The following RCOR3 variants were observed in gnomAD, a reference collection of about 807,000 sequenced individuals.
The protein encoded by RCOR3 is REST corepressor 3.
Under a neutral mutation model 64.1 loss-of-function variants are expected in RCOR3, and 13 were observed. That is an observed-to-expected ratio of 0.20 (90% confidence interval 0.13 to 0.32). The LOEUF (loss-of-function observed/expected upper bound fraction) is 0.32. Ranked by LOEUF, RCOR3 falls within the 10% of genes least tolerant of loss-of-function variation. The probability of loss-of-function intolerance (pLI) is 1.00; values close to 1 mark genes in which losing one functional copy is unlikely to be tolerated. For synonymous variants in RCOR3, 215 were observed against 239.0 expected (o/e 0.90, Z 0.93); for missense variants, 489 against 701.2 (o/e 0.70, Z 3.42).
rs563530074 is a variant in RCOR3 at position 211,282,624 on chromosome 1, G to A, written c.720+3308G>A. 4.6e-5 allele frequency among the ~76,000 whole-genome samples: 7 copies of A among 151,282 alleles called. 1 individual carries two copies. The highest frequency in any genetic ancestry group is 1.7e-4 in the African/African-American group (7 of 41,250). ...AGCAATTCTCCTGCCTCAGCCTCCCGAGTAGCTGGGACTACAGGCATGCGT... is the reference window on the plus strand; with the variant it reads ...AGCAATTCTCCTGCCTCAGCCTCCCAAGTAGCTGGGACTACAGGCATGCGT... On this transcript the variant is annotated intron_variant, in intron 7 of 11. Transcript: ENST00000419091.
intron 6 of RCOR3, 71 bp downstream of exon 6, chr1:211,278,312 A>G (rs555215059): frequency 6.6e-7 from 1 of 1,504,948 alleles, no homozygotes; most frequent in African/African-American, 1.4e-5. Context: ...TTCCTAAGGC[A>G]GAAAAGTTAT....
At chr1:211,295,199 C>T (rs547162159) in intron 8 of RCOR3, among the ~76,000 whole-genome samples, 11 of 152,120 alleles carry the variant, frequency 7.2e-5, no homozygotes, top group African/African-American at 2.4e-4. Flanking sequence ...CATGTTATAG[C>T]AGAACTGATT....
chr1:211,288,390 G>A (rs11581989), intron 7 of RCOR3, among the ~76,000 whole-genome samples: 27,052 of 147,340 alleles, frequency 0.18, 2,747 homozygotes, highest in African/African-American at 0.28. Flanking sequence ...TAACTCTTCC[G>A]AGACATAAAT....
rs1045875425 is a variant in RCOR3, at chr1:211,259,503, C to G, written c.-58C>G. On this transcript the variant is annotated 5_prime_UTR_variant, in exon 1 of 12. Coordinates refer to ENST00000419091, the MANE Select transcript of RCOR3 (RefSeq NM_001136223.3). The stretch of plus-strand genomic sequence containing the variant: ...CTCCCGCCCGCGCTCTAAGCCATCT[C>G]CGCCTTCACCCTGACGCCTGCCTCT... The G allele has an allele frequency of 6.6e-7, 1 of 1,518,430 alleles. No individual in the cohort carries two copies. The highest frequency in any genetic ancestry group is 8.8e-7 in the Non-Finnish European group (1 of 1,130,332). 94.1% of individuals were successfully genotyped at this position (1,518,430 alleles called of 1,614,324 possible).
chr1:211,259,660 T>C lies in RCOR3; in HGVS notation c.100T>C (p.Ser34Pro), dbSNP rs1693822522. 6 of 1,546,424 alleles carry C rather than the reference T, an allele frequency of 3.9e-6. No homozygotes were observed. Among genetic ancestry groups the C allele is most frequent in the Non-Finnish European group, 5.2e-6 (6 of 1,145,170 alleles). ...SPAGGGGSGA[S>P]STNGGLHYSE... ...GGCAGGCGGCGGCGGCAGCGGCGCCTCGTCCACCAACGGCGGGCTGCACTA... is the reference window on the plus strand; with the variant it reads ...GGCAGGCGGCGGCGGCAGCGGCGCCCCGTCCACCAACGGCGGGCTGCACTA... Residue 34 changes from serine (S) to proline (P), a missense_variant, in exon 1 of 12, where the codon TCG becomes CCG. By Grantham distance (74) the Ser-to-Pro change is moderately conservative (BLOSUM62 -1). Around this residue, in one of 2 missense-constraint regions of RCOR3, gnomAD observed 87 missense variants for 84.3 expected, o/e 1.03. Coordinates refer to ENST00000419091, the MANE Select transcript of RCOR3 (RefSeq NM_001136223.3).
At chr1:211,273,890 A>G (rs1190768821) in intron 3 of RCOR3, among the ~76,000 whole-genome samples, 1 of 152,194 alleles carries the variant, frequency 6.6e-6, no homozygotes, top group Non-Finnish European at 1.5e-5. Context: ...TTATCTTAAT[A>G]TTTTATACAA....
At chr1:211,263,108 T>C (rs1030188821) in intron 2 of RCOR3, among the ~76,000 whole-genome samples, 5 of 146,684 alleles carry the variant, frequency 3.4e-5, no homozygotes, top group African/African-American at 1.3e-4. Context: ...CATCTATGAG[T>C]GAGAACATGC....
chr1:211,273,895 A>G (rs774744186), intron 3 of RCOR3, among the ~76,000 whole-genome samples: 7 of 152,198 alleles, frequency 4.6e-5, no homozygotes, highest in Admixed American at 1.3e-4. Context: ...TTAATATTTT[A>G]TACAACAATT....
intron 1 of RCOR3, 35 bp from the exon 2 acceptor site, chr1:211,260,066 CTTTTTTA>C: frequency 3.3e-6 from 5 of 1,499,678 alleles, no homozygotes; most frequent in Non-Finnish European, 4.4e-6. Flanking sequence ...TTCTTTTCTT[CTTTTTTA>C]TTTTTTATAT....
chr1:211,289,693 G>A (rs1473704483), intron 8 of RCOR3, among the ~76,000 whole-genome samples: 1 of 152,142 alleles, frequency 6.6e-6, no homozygotes, highest in African/African-American at 2.4e-5. Context: ...GCAGGTTATT[G>A]GGAATTATTT....
chr1:211,315,960 T>TTGGCC lies in RCOR3; in HGVS notation c.*2196_*2200dup, dbSNP rs1297760845. The TTGGCC allele has an allele frequency of 6.6e-6, 1 of 152,228 alleles. No homozygotes were observed. The highest frequency in any genetic ancestry group is 1.5e-5 in the Non-Finnish European group (1 of 68,032). The allele number at this position is 152,228 out of a possible 1,614,324, so 9.4% of individuals were successfully genotyped here. ...TTTTTCTTTTTTGTTTAAGCAGTGT[T>TTGGCC]TGGCCTGGAAGAGTGATATGCTTGC... On this transcript the variant is annotated 3_prime_UTR_variant, in exon 12 of 12. Transcript: ENST00000419091.
At chr1:211,271,507 G>A (rs1045006807) in intron 3 of RCOR3, 198 bp downstream of exon 3, 3 of 645,080 alleles carry the variant, frequency 4.7e-6, no homozygotes, top group Non-Finnish European at 8.6e-6. Context: ...ATAGTGGGTT[G>A]ATCATTCCAA....
At chr1:211,271,432 T>A (rs1696192075) in intron 3 of RCOR3, 123 bp downstream of exon 3, 1 of 711,636 alleles carries the variant, frequency 1.4e-6, no homozygotes. Flanking sequence ...CTTTGTTTTA[T>A]TTTTTATTTT....
intron 2 of RCOR3, among the ~76,000 whole-genome samples, chr1:211,261,923 CAAAA>C (rs1158597755): frequency 4.7e-4 from 16 of 34,122 alleles, no homozygotes; most frequent in African/African-American, 1.9e-3. Context: ...GACTCCATCT[CAAAA>C]AAAAAAAAAA....
chr1:211,312,847 G>A lies in RCOR3; in HGVS notation c.1203G>A (p.Glu401=), dbSNP rs780590854. Residue 401 remains glutamate, a synonymous_variant, in exon 11 of 12, where the codon GAG becomes GAA. Transcript: ENST00000419091. The surrounding 1 kb of genome is among the most constrained non-coding windows in gnomAD (Gnocchi z 5.0). Reference sequence around the variant, plus strand: ...TTAACTTAGAGGAGGTATTGCAGGAGTGGGAAGCAGAACAAGGAACCCAGG... The same window carrying A: ...TTAACTTAGAGGAGGTATTGCAGGAATGGGAAGCAGAACAAGGAACCCAGG... ...RRFNLEEVLQ[E]WEAEQGTQAS... 10 of 1,614,090 alleles carry A rather than the reference G, an allele frequency of 6.2e-6. No individual in the cohort carries two copies. In the South Asian group the frequency reaches 1.1e-4, roughly 18 times the overall value.
intron 2 of RCOR3, among the ~76,000 whole-genome samples, chr1:211,264,628 A>G (rs999756444): frequency 6.6e-6 from 1 of 152,092 alleles, no homozygotes; most frequent in Non-Finnish European, 1.5e-5. Flanking sequence ...AGGCTGCAGT[A>G]AGCTATGATG....
intron 2 of RCOR3, among the ~76,000 whole-genome samples, chr1:211,264,132 T>C (rs566919082): frequency 6.6e-6 from 1 of 152,272 alleles, no homozygotes; most frequent in East Asian, 1.9e-4. Context: ...CAAAAAGATA[T>C]TTATTAATTA....
chr1:211,288,210 CAAA>C (rs902271745), intron 7 of RCOR3, among the ~76,000 whole-genome samples: 1 of 128,054 alleles, frequency 7.8e-6, no homozygotes. Context: ...GACCCTGTCT[CAAA>C]AAAAAAAAAA....
chr1:211,294,635 G>A (rs946490567), intron 8 of RCOR3, among the ~76,000 whole-genome samples: 1 of 140,602 alleles, frequency 7.1e-6, no homozygotes, highest in Non-Finnish European at 1.5e-5. Context: ...TGTCGCCCAG[G>A]CTGGAGTGCA....
Sources: gnomAD v4.1 joint callset for allele counts (sites outside exome capture counted in the v4.1 genomes callset) on GRCh38, gnomAD v4.1.1 for gene constraint, gnomAD v4.1.1 regional missense constraint, Gnocchi (gnomAD v3.1) non-coding constraint, MANE v1.5 for transcripts, NCBI Gene and HGNC (gene_info 2026-07-23, HGNC 2026-07-21) for gene names.